Variants in NTNG1 observed in about 807,000 individuals in gnomAD.
NTNG1 encodes the protein netrin G1, also known as netrin-G1.
A neutral mutation model predicts 54.0 loss-of-function variants in NTNG1; 16 were observed. The observed-to-expected ratio is 0.30, with a 90% confidence interval of 0.20 to 0.45. The LOEUF is 0.45. Among genes scored for constraint, NTNG1 ranks in the 20% least tolerant of loss-of-function variants. The pLI, the probability that NTNG1 is intolerant of heterozygous loss-of-function variation, is 1.00. For missense variants in NTNG1, 530 were observed against 678.7 expected, an observed-to-expected ratio of 0.78 and a Z score of 2.43; for synonymous variants, 255 against 263.1, an observed-to-expected ratio of 0.97 and a Z score of 0.30.
At chr1:107,472,740 T>A (rs1678065506) in intron 7 of NTNG1, among the ~76,000 whole-genome samples, 1 of 152,138 alleles carries the variant, frequency 6.6e-6, no homozygotes, top group Admixed American at 6.5e-5. Context: ...TTTGTTTTGT[T>A]TTGTTTTTTT....
intron 2 of NTNG1, among the ~76,000 whole-genome samples, chr1:107,317,263 G>C (rs1003117451): frequency 1.3e-5 from 2 of 152,150 alleles, no homozygotes; most frequent in Admixed American, 1.3e-4. Flanking sequence ...AATGCTAACA[G>C]CCTACTTTAG....
chr1:107,304,145 C>T (rs1053070306), intron 2 of NTNG1, among the ~76,000 whole-genome samples: 2 of 152,052 alleles, frequency 1.3e-5, no homozygotes, highest in Admixed American at 6.6e-5. Context: ...ATTTTTCTTA[C>T]TCCTTATCTT....
At chr1:107,428,981 T>A (rs1325031981) in intron 5 of NTNG1, among the ~76,000 whole-genome samples, 3 of 151,958 alleles carry the variant, frequency 2.0e-5, no homozygotes, top group Non-Finnish European at 4.4e-5. Flanking sequence ...TACATTGGAG[T>A]CTCAATGCCA....
At chr1:107,265,675 T>C (rs1310208305) in intron 2 of NTNG1, among the ~76,000 whole-genome samples, 1 of 152,234 alleles carries the variant, frequency 6.6e-6, no homozygotes, top group Non-Finnish European at 1.5e-5. Context: ...AAATTTTCAG[T>C]ATAAGAAATT....
chr1:107,265,833 G>T (rs1663700952), intron 2 of NTNG1, among the ~76,000 whole-genome samples: 1 of 152,192 alleles, frequency 6.6e-6, no homozygotes, highest in South Asian at 2.1e-4. Flanking sequence ...AAAGATGGGA[G>T]TACTCTCTCT....
At chr1:107,351,514 A>T (rs1381131655) in intron 3 of NTNG1, among the ~76,000 whole-genome samples, 2 of 152,122 alleles carry the variant, frequency 1.3e-5, no homozygotes, top group African/African-American at 4.8e-5. Context: ...AAAGAATCAG[A>T]TCTCATAAGA....
At chr1:107,383,583 T>G (rs1671774694) in intron 3 of NTNG1, among the ~76,000 whole-genome samples, 1 of 152,202 alleles carries the variant, frequency 6.6e-6, no homozygotes, top group East Asian at 1.9e-4. Context: ...CTTTATAAGC[T>G]CTAGGACTAT....
chr1:107,236,616 A>C (rs942821741), intron 2 of NTNG1, among the ~76,000 whole-genome samples: 1 of 152,194 alleles, frequency 6.6e-6, no homozygotes, highest in Non-Finnish European at 1.5e-5. Context: ...CCCAGATCTC[A>C]TCTTCAATTC....
At chr1:107,364,958 C>G (rs1314531462) in intron 3 of NTNG1, among the ~76,000 whole-genome samples, 1 of 151,908 alleles carries the variant, frequency 6.6e-6, no homozygotes, top group Admixed American at 6.6e-5. Flanking sequence ...TGATGGGAAA[C>G]AAAATAATTT....
chr1:107,271,097 T>G (rs907484921), intron 2 of NTNG1, among the ~76,000 whole-genome samples: 1 of 152,176 alleles, frequency 6.6e-6, no homozygotes, highest in African/African-American at 2.4e-5. Context: ...TTAAGATAAT[T>G]TAAATAGTTA....
chr1:107,394,553 C>G, intron 3 of NTNG1, among the ~76,000 whole-genome samples: 1 of 152,212 alleles, frequency 6.6e-6, no homozygotes, highest in East Asian at 1.9e-4. Flanking sequence ...GTGTCTCACC[C>G]CCCTTCGGGT....
At chr1:107,164,178 T>C (rs1011315730) in intron 2 of NTNG1, among the ~76,000 whole-genome samples, 1 of 152,226 alleles carries the variant, frequency 6.6e-6, no homozygotes, top group African/African-American at 2.4e-5. Context: ...CATGTAGCTT[T>C]GTACTGTGGC....
At chr1:107,304,695 C>G (rs1666559682) in intron 2 of NTNG1, among the ~76,000 whole-genome samples, 1 of 151,604 alleles carries the variant, frequency 6.6e-6, no homozygotes, top group Non-Finnish European at 1.5e-5. Context: ...CTCTGTCCTT[C>G]CCAACCATGA....
intron 3 of NTNG1, among the ~76,000 whole-genome samples, chr1:107,386,445 A>G (rs571729652): frequency 1.3e-5 from 2 of 152,208 alleles, no homozygotes; most frequent in Non-Finnish European, 2.9e-5. Flanking sequence ...AAGTGCTGGG[A>G]TTACAGGCGT....
At chr1:107,374,687 T>C (rs1056810146) in intron 3 of NTNG1, among the ~76,000 whole-genome samples, 2 of 152,162 alleles carry the variant, frequency 1.3e-5, no homozygotes, top group Admixed American at 6.5e-5. Context: ...CCAATATATG[T>C]GTCAGTTTGG....
At chr1:107,399,943 A>G (rs1392238271) in intron 4 of NTNG1, among the ~76,000 whole-genome samples, 1 of 151,958 alleles carries the variant, frequency 6.6e-6, no homozygotes, top group African/African-American at 2.4e-5. Flanking sequence ...TTCCCCTTCT[A>G]TTAGTCTTTT....
chr1:107,293,164 G>A (rs1474755030), intron 2 of NTNG1, among the ~76,000 whole-genome samples: 2 of 152,010 alleles, frequency 1.3e-5, no homozygotes, highest in African/African-American at 4.8e-5. Context: ...AAAAATAAGT[G>A]TACAAATATG....
chr1:107,386,489 C>A (rs533958597), intron 3 of NTNG1, among the ~76,000 whole-genome samples: 20 of 152,046 alleles, frequency 1.3e-4, no homozygotes, highest in Non-Finnish European at 2.8e-4. Context: ...TCAGATATTA[C>A]GTGGCCTTTT....
intron 2 of NTNG1, among the ~76,000 whole-genome samples, chr1:107,290,454 G>A (rs1665507052): frequency 6.6e-6 from 1 of 151,896 alleles, no homozygotes; most frequent in African/African-American, 2.4e-5. Context: ...GATTAGCTGT[G>A]TGACCTTGAA....
Sources: gnomAD v4.1 joint callset for allele counts (sites outside exome capture counted in the v4.1 genomes callset) on GRCh38, gnomAD v4.1.1 for gene constraint, MANE v1.5 for transcripts, NCBI Gene and HGNC (gene_info 2026-07-23, HGNC 2026-07-21) for gene names.